Variants in AATF observed in about 807,000 individuals in gnomAD.
AATF encodes the protein apoptosis antagonizing transcription factor.
A neutral mutation model predicts 63.7 loss-of-function variants in AATF; 48 were observed. That is an observed-to-expected ratio of 0.75 (90% CI 0.60 to 0.96). AATF has a LOEUF of 0.96. Among genes scored for constraint, AATF ranks in the 40% least tolerant of loss-of-function variants. The probability of loss-of-function intolerance (pLI) is 0.00; values close to 1 mark genes in which losing one functional copy is unlikely to be tolerated. For synonymous variants in AATF, 258 were observed against 247.7 expected (o/e 1.04, Z -0.39); for missense variants, 639 against 685.7 (o/e 0.93, Z 0.76).
chr17:37,009,956 T>C (rs1044942169), intron 8 of AATF, among the ~76,000 whole-genome samples: 3 of 151,942 alleles, frequency 2.0e-5, no homozygotes, highest in Non-Finnish European at 4.4e-5. Flanking sequence ...AGTCATATCA[T>C]TGAAAATGGC....
At chr17:36,952,853 C>T (rs2070866057) in intron 2 of AATF, 33 bp from the exon 3 acceptor site, 2 of 1,597,630 alleles carry the variant, frequency 1.3e-6, no homozygotes, top group South Asian at 2.2e-5. Flanking sequence ...AGGTAATACC[C>T]ATTTTTCTCT....
intron 1 of AATF, 73 bp from the exon 2 acceptor site, chr17:36,950,140 TG>T: frequency 6.6e-7 from 1 of 1,513,994 alleles, no homozygotes; most frequent in Non-Finnish European, 9.0e-7. Flanking sequence ...ATGAGATAAA[TG>T]GGTCGACCAG....
chr17:36,993,186 A>G (rs60957448), intron 8 of AATF, among the ~76,000 whole-genome samples: 2,414 of 152,318 alleles, frequency 0.016, 68 homozygotes, highest in African/African-American at 0.054. Context: ...CTAGCCTCGT[A>G]CATCACATTC....
intron 4 of AATF, among the ~76,000 whole-genome samples, chr17:36,979,205 C>T (rs1296420202): frequency 6.6e-6 from 1 of 151,972 alleles, no homozygotes; most frequent in African/African-American, 2.4e-5. Flanking sequence ...CTCTTGAATT[C>T]CAAGCAGCAC....
In AATF at chr17:36,953,914, A is replaced by C. The variant is rs111899468; in HGVS notation, c.832+7A>C. On this transcript the variant is annotated splice_region_variant and intron_variant, in intron 4 of 11. Coordinates refer to ENST00000619387, the MANE Select transcript of AATF (RefSeq NM_012138.4). Reference sequence around the variant, plus strand: ...TCCAGTGCCCTGAAAAATAGTAAGAATACTTATGTCCTGTTGGAATACTTA... The same window carrying C: ...TCCAGTGCCCTGAAAAATAGTAAGACTACTTATGTCCTGTTGGAATACTTA... The C allele has an allele frequency of 4.0e-5, 65 of 1,613,314 alleles. No homozygotes were observed. In the African/African-American group the frequency reaches 5.6e-4, roughly 14 times the overall value.
intron 11 of AATF, among the ~76,000 whole-genome samples, chr17:37,046,422 C>T (rs1045258384): frequency 5.3e-5 from 8 of 151,936 alleles, no homozygotes; most frequent in Non-Finnish European, 1.5e-5. Context: ...CTTGAACGCT[C>T]GGGGGGAGAC....
At chr17:37,035,626 C>T (rs2071586136) in intron 11 of AATF, among the ~76,000 whole-genome samples, 1 of 151,380 alleles carries the variant, frequency 6.6e-6, no homozygotes, top group Admixed American at 6.6e-5. Context: ...GCAATCTCCA[C>T]CTCCTAGGTT....
intron 10 of AATF, among the ~76,000 whole-genome samples, chr17:37,025,317 G>A (rs1173236597): frequency 6.6e-6 from 1 of 152,200 alleles, no homozygotes; most frequent in Non-Finnish European, 1.5e-5. Flanking sequence ...TCAGTCGAGA[G>A]GAGGATGTGG....
chr17:36,954,595 C>T (rs762707168), intron 4 of AATF, among the ~76,000 whole-genome samples: 15 of 151,990 alleles, frequency 9.9e-5, no homozygotes, highest in African/African-American at 2.2e-4. Flanking sequence ...GATGATATGC[C>T]GAGGGAGAAA....
chr17:37,056,346 A>G, intron 11 of AATF: 1 of 478,954 alleles, frequency 2.1e-6, no homozygotes, highest in Non-Finnish European at 3.7e-6. Context: ...CCTGTCTGCA[A>G]AGGGCAAACT....
chr17:36,956,015 C>T (rs1240388290), intron 4 of AATF, among the ~76,000 whole-genome samples: 1 of 152,192 alleles, frequency 6.6e-6, no homozygotes, highest in African/African-American at 2.4e-5. Context: ...CCTTCCGTGT[C>T]AGCCTCCCCA....
intron 10 of AATF, among the ~76,000 whole-genome samples, chr17:37,029,658 C>T (rs1326703578): frequency 2.0e-5 from 3 of 151,696 alleles, no homozygotes; most frequent in South Asian, 2.1e-4. Context: ...CTCCATCTCC[C>T]GGGTTCAAGG....
intron 10 of AATF, among the ~76,000 whole-genome samples, chr17:37,028,124 T>C (rs981256804): frequency 6.6e-6 from 1 of 152,134 alleles, no homozygotes; most frequent in African/African-American, 2.4e-5. Flanking sequence ...CTAAGAGTTA[T>C]GTATTGGCCA....
intron 4 of AATF, among the ~76,000 whole-genome samples, chr17:36,962,850 T>C (rs1217299865): frequency 2.0e-5 from 3 of 152,124 alleles, no homozygotes; most frequent in African/African-American, 7.2e-5. Context: ...GGCTGGGCAC[T>C]GTGGCTCATG....
At chr17:37,007,474 G>C (rs2071350880) in intron 8 of AATF, among the ~76,000 whole-genome samples, 1 of 147,288 alleles carries the variant, frequency 6.8e-6, no homozygotes, top group Admixed American at 6.9e-5. Flanking sequence ...AAAGCGTTGT[G>C]ATTACAGGCA....
intron 4 of AATF, among the ~76,000 whole-genome samples, chr17:36,964,212 TG>T (rs112452329): frequency 0.035 from 5,190 of 148,768 alleles, 337 homozygotes; most frequent in African/African-American, 0.12. Context: ...TCAGCGTGTT[TG>T]CATGTTGATA....
chr17:37,001,810 A>G (rs1188321094), intron 8 of AATF, among the ~76,000 whole-genome samples: 3 of 152,246 alleles, frequency 2.0e-5, no homozygotes, highest in East Asian at 1.9e-4. Context: ...GCATCATACT[A>G]TCTAGCCAGG....
chr17:36,954,486 T>C (rs1191409411), intron 4 of AATF, among the ~76,000 whole-genome samples: 1 of 152,238 alleles, frequency 6.6e-6, no homozygotes, highest in Non-Finnish European at 1.5e-5. Context: ...GGTTGTATCA[T>C]GTGTTTAAAA....
intron 11 of AATF, among the ~76,000 whole-genome samples, chr17:37,050,945 A>T (rs1458498049): frequency 6.6e-6 from 1 of 152,140 alleles, no homozygotes; most frequent in Non-Finnish European, 1.5e-5. Flanking sequence ...TTATGTATTT[A>T]TTTATTTTTA....
Sources: allele counts gnomAD v4.1 joint callset (sites outside exome capture counted in the v4.1 genomes callset), GRCh38; gene constraint gnomAD v4.1.1; transcripts MANE v1.5; gene names NCBI Gene and HGNC (gene_info 2026-07-23, HGNC 2026-07-21).